Variants in OR2L13 observed in about 807,000 individuals in gnomAD.
OR2L13 encodes the protein olfactory receptor family 2 subfamily L member 13.
A neutral mutation model predicts 15.3 loss-of-function variants in OR2L13; 14 were observed. The ratio of observed to expected loss-of-function variants is 0.91; its 90% CI spans 0.60 to 1.43. OR2L13 has a LOEUF of 1.43. Among genes scored for constraint, OR2L13 ranks in the 40% most tolerant of loss-of-function variants. The pLI is 0.00. For synonymous variants in OR2L13, 152 were observed against 142.9 expected (o/e 1.06, Z -0.45); for missense variants, 367 against 387.9 (o/e 0.95, Z 0.45).
the OR2L13 span, among the ~76,000 whole-genome samples, chr1:248,010,763 GTTTTTT>G: frequency 8.8e-3 from 390 of 44,492 alleles, no homozygotes; most frequent in African/African-American, 0.035. Context: ...CTTTGTTGTT[GTTTTTT>G]TTTTTTTTTT....
the OR2L13 span, chr1:247,990,626 A>T: frequency 6.5e-7 from 1 of 1,542,952 alleles, no homozygotes; most frequent in Non-Finnish European, 9.0e-7. Context: ...ATGGCCTATG[A>T]TCGTTATGTG....
chr1:248,091,572 G>A (rs78806830), upstream of OR2L13, among the ~76,000 whole-genome samples: 3,233 of 151,848 alleles, frequency 0.021, 113 homozygotes, highest in African/African-American at 0.071. Flanking sequence ...TGTTGGCTTC[G>A]TTGAAAATCA....
At chr1:248,071,227 A>G in the OR2L13 span, among the ~76,000 whole-genome samples, 4 of 152,254 alleles carry the variant, frequency 2.6e-5, no homozygotes, top group South Asian at 4.2e-4. Flanking sequence ...AAAATCCTCA[A>G]TAAAATACTG....
chr1:247,962,289 G>C, the OR2L13 span, among the ~76,000 whole-genome samples: 1 of 152,144 alleles, frequency 6.6e-6, no homozygotes, highest in Non-Finnish European at 1.5e-5. Context: ...TTAATTAGTG[G>C]AGACAGCTAC....
At chr1:248,021,033 A>G in the OR2L13 span, among the ~76,000 whole-genome samples, 15 of 152,014 alleles carry the variant, frequency 9.9e-5, no homozygotes, top group Non-Finnish European at 2.2e-4. Context: ...TGTAGAAAAA[A>G]ATCATCCAGA....
the OR2L13 span, among the ~76,000 whole-genome samples, chr1:248,025,183 T>G: frequency 6.8e-6 from 1 of 146,896 alleles, no homozygotes; most frequent in African/African-American, 2.6e-5. Context: ...GGGAGAAAAT[T>G]TTCGCAACCT....
At chr1:248,030,641 C>T in the OR2L13 span, among the ~76,000 whole-genome samples, 1 of 151,934 alleles carries the variant, frequency 6.6e-6, no homozygotes. Flanking sequence ...GAGTGATGTG[C>T]GATTGTACGA....
At chr1:247,974,269 G>A in the OR2L13 span, among the ~76,000 whole-genome samples, 1 of 152,084 alleles carries the variant, frequency 6.6e-6, no homozygotes, top group Non-Finnish European at 1.5e-5. Flanking sequence ...CAGAACCTTT[G>A]TGGGGGGGCC....
chr1:247,949,699 C>T, the OR2L13 span: 3 of 1,613,926 alleles, frequency 1.9e-6, no homozygotes, highest in South Asian at 3.3e-5. Context: ...ACCATCCTCA[C>T]CCCAATGCTC....
chr1:248,060,318 TA>T, the OR2L13 span, among the ~76,000 whole-genome samples: 1 of 152,122 alleles, frequency 6.6e-6, no homozygotes, highest in Non-Finnish European at 1.5e-5. Flanking sequence ...AAACTCTAGG[TA>T]AAAATTAAGA....
At chr1:248,026,969 A>G in the OR2L13 span, among the ~76,000 whole-genome samples, 1 of 152,230 alleles carries the variant, frequency 6.6e-6, no homozygotes, top group Non-Finnish European at 1.5e-5. Flanking sequence ...GATAACAGCA[A>G]TGTTCAGGGA....
At chr1:248,000,557 T>A in the OR2L13 span, among the ~76,000 whole-genome samples, 1 of 152,154 alleles carries the variant, frequency 6.6e-6, no homozygotes, top group African/African-American at 2.4e-5. Flanking sequence ...TAGTAATAGG[T>A]TCTTCATTTG....
At chr1:248,047,866 C>T in the OR2L13 span, among the ~76,000 whole-genome samples, 1 of 152,170 alleles carries the variant, frequency 6.6e-6, no homozygotes, top group East Asian at 1.9e-4. Context: ...TTCAGTGATA[C>T]ACCCAGTCAA....
chr1:248,096,653 G>A (rs983562130), upstream of OR2L13, among the ~76,000 whole-genome samples: 4 of 152,156 alleles, frequency 2.6e-5, no homozygotes, highest in Admixed American at 6.5e-5. Context: ...CTGAGTCTAT[G>A]ACTATTTGCT....
At chr1:248,099,665 G>A (rs1344174144) in exon 3 of OR2L13, 1 of 1,614,020 alleles carries the variant, frequency 6.2e-7, no homozygotes, top group African/African-American at 1.3e-5. Context: ...CTGGGATGTG[G>A]TGTGCAAAGC....
the OR2L13 span, among the ~76,000 whole-genome samples, chr1:248,080,752 T>C: frequency 4.8e-4 from 73 of 152,342 alleles, 1 homozygote; most frequent in African/African-American, 1.6e-3. Flanking sequence ...CATGTGTCTT[T>C]ATAGTAGAAT....
the OR2L13 span, among the ~76,000 whole-genome samples, chr1:247,992,839 G>A: frequency 6.6e-6 from 1 of 151,874 alleles, no homozygotes; most frequent in Non-Finnish European, 1.5e-5. Flanking sequence ...AATGAGCAAT[G>A]AATGCATGTG....
upstream of OR2L13, among the ~76,000 whole-genome samples, chr1:248,094,054 C>T (rs1285274322): frequency 2.0e-5 from 3 of 151,884 alleles, no homozygotes; most frequent in Non-Finnish European, 4.4e-5. Context: ...TTCAAAATAA[C>T]TAAAAGTGGA....
the OR2L13 span, among the ~76,000 whole-genome samples, chr1:248,008,152 C>A: frequency 5.4e-3 from 824 of 152,256 alleles, 24 homozygotes; most frequent in East Asian, 0.018. Flanking sequence ...ATAGCACTTA[C>A]AACCAGAGCC....
Sources: allele counts gnomAD v4.1 joint callset (sites outside exome capture counted in the v4.1 genomes callset), GRCh38; gene constraint gnomAD v4.1.1; transcripts MANE v1.5; gene names NCBI Gene and HGNC (gene_info 2026-07-23, HGNC 2026-07-21).